Variants in SREBF2 observed in about 807,000 individuals in gnomAD.
SREBF2 encodes the protein sterol regulatory element binding transcription factor 2, also known as sterol regulatory element-binding protein 2.
Under a neutral mutation model 113.1 loss-of-function variants are expected in SREBF2, and 55 were observed. The observed-to-expected ratio is 0.49, with a 90% CI of 0.39 to 0.61. The LOEUF (loss-of-function observed/expected upper bound fraction) is 0.61, where lower values mean the gene tolerates loss of function less well. Among genes scored for constraint, SREBF2 ranks in the 20% least tolerant of loss-of-function variants. The pLI is 0.00. For missense variants in SREBF2, 1,349 were observed against 1,487.4 expected, an observed-to-expected ratio of 0.91 and a Z score of 1.53; for synonymous variants, 593 against 605.7, an observed-to-expected ratio of 0.98 and a Z score of 0.31.
intron 11 of SREBF2, among the ~76,000 whole-genome samples, chr22:41,888,256 C>T (rs2839715): frequency 0.14 from 21,942 of 152,224 alleles, 2,136 homozygotes; most frequent in Admixed American, 0.33. Context: ...CTGCTAGACG[C>T]TTTATTTTTT....
chr22:41,851,461 T>C (rs1236979740), intron 1 of SREBF2, among the ~76,000 whole-genome samples: 1 of 152,136 alleles, frequency 6.6e-6, no homozygotes, highest in South Asian at 2.1e-4. Flanking sequence ...CTGGGCAACA[T>C]AGTAAGGCCC....
intron 15 of SREBF2, chr22:41,899,928 A>G (rs1480500093): frequency 2.6e-5 from 30 of 1,137,586 alleles, no homozygotes; most frequent in Non-Finnish European, 2.8e-5. Context: ...GAAAGAAGCT[A>G]ACTAAGTATC....
rs1008678146 is a variant in SREBF2 at position 41,905,349 on chromosome 22, G to C, written c.3206-91G>C. On this transcript the variant is annotated intron_variant, in intron 18 of 18. Transcript: ENST00000361204. The stretch of plus-strand genomic sequence containing the variant: ...AGACCCCACCTCCCAGGATGGATGT[G>C]AGCGTTCAGTGAATGAGTCCAGGTA... 38 of 1,244,996 alleles carry C rather than the reference G, an allele frequency of 3.1e-5. No individual in the cohort carries two copies. The East Asian group carries it at 9.4e-4, about 31-fold the overall frequency. 77.1% of individuals were successfully genotyped at this position (1,244,996 alleles called of 1,614,324 possible).
Position 41,906,215 on chromosome 22 carries a change from G to C in SREBF2, c.*555G>C, listed in dbSNP as rs2077507771. On this transcript the variant is annotated 3_prime_UTR_variant, in exon 19 of 19. Coordinates refer to ENST00000361204, the MANE Select transcript of SREBF2 (RefSeq NM_004599.4). ...CCCTCCCCTGGGCCTGACTGAGCCT[G>C]CTCATTGTTTTTCCCTTTATTACAC... 5.8e-6 allele frequency: 2 copies of C among 342,612 alleles called. No individual in the cohort carries two copies. Among genetic ancestry groups the C allele is most frequent in the South Asian group, 4.5e-5 (2 of 44,228 alleles). The allele number at this position is 342,612 out of a possible 1,614,324, so 21.2% of individuals were successfully genotyped here. A position where few individuals can be genotyped will look rare whatever the true frequency, so the allele number is the denominator to read the frequency against.
intron 1 of SREBF2, among the ~76,000 whole-genome samples, chr22:41,844,844 A>G (rs2076862529): frequency 2.6e-5 from 4 of 152,030 alleles, no homozygotes; most frequent in African/African-American, 7.2e-5. Flanking sequence ...AAGTGCTAAC[A>G]TTCCTGTGAG....
rs767549835 is a variant in SREBF2, at chr22:41,833,329, G to A, written c.59G>A (p.Gly20Asp). 2.2e-6 allele frequency: 3 copies of A among 1,380,160 alleles called. No individual in the cohort carries two copies. The highest frequency in any genetic ancestry group is 1.2e-5 in the South Asian group (1 of 80,296). 85.5% of individuals were successfully genotyped at this position (1,380,160 alleles called of 1,614,324 possible). ...LETMETLTEL[G>D]DELTLGDIDE... is the part of the protein sequence containing the mutation. The stretch of plus-strand genomic sequence containing the variant: ...ACCATGGAGACCCTCACGGAGCTGG[G>A]CGACGAGCTGACCCTGGGAGACATC... Residue 20 changes from glycine (G) to aspartate (D), a missense_variant, in exon 1 of 19, where the codon GGC becomes GAC. Physicochemically the swap from Gly to Asp is moderately conservative, Grantham distance 94. Around this residue, in one of 2 missense-constraint regions of SREBF2, gnomAD observed 699 missense variants for 843.3 expected, o/e 0.83. Transcript: ENST00000361204. This position sits in a 1 kb window ranked among gnomAD's most constrained non-coding sequence, Gnocchi z 4.1.
At position 41,880,655 on chromosome 22, in the gene SREBF2, A is replaced by G. The variant is rs915266985; in HGVS notation, c.1762-61A>G. ...TTGGGGGCAGGGGGAGTAGAAGTCT[A>G]TATCAAAACAAAAAGCCGGAGCAAG... On this transcript the variant is annotated intron_variant, in intron 9 of 18. Transcript: ENST00000361204. 33 of 1,605,820 alleles carry G rather than the reference A, an allele frequency of 2.1e-5. No homozygotes were observed. In the African/African-American group the frequency reaches 3.5e-4, roughly 17 times the overall value.
At chr22:41,893,332 C>T (rs1390837727) in intron 12 of SREBF2, 47 bp downstream of exon 12, 2 of 1,602,860 alleles carry the variant, frequency 1.2e-6, no homozygotes, top group African/African-American at 2.7e-5. Context: ...GCCATGCAAA[C>T]CGCCGGTACT....
At chr22:41,864,752 G>T (rs2077060159) in intron 1 of SREBF2, among the ~76,000 whole-genome samples, 1 of 151,986 alleles carries the variant, frequency 6.6e-6, no homozygotes, top group African/African-American at 2.4e-5. Flanking sequence ...AGGAGTTTGA[G>T]ACCAGCCTGG....
Position 41,906,020 on chromosome 22 carries a change from C to G in SREBF2, c.*360C>G, listed in dbSNP as rs944326516. On this transcript the variant is annotated 3_prime_UTR_variant, in exon 19 of 19. Transcript: ENST00000361204. ...TTTTGCTTCCTCAGTTTTTATCAGG[C>G]TTTCTCTGGGGGACAGCAGTCTCTG... The G allele has an allele frequency of 2.0e-6, 1 of 494,124 alleles. No individual in the cohort carries two copies. Among genetic ancestry groups the G allele is most frequent in the African/African-American group, 1.9e-5 (1 of 51,650 alleles). The allele number at this position is 494,124 out of a possible 1,614,324, so 30.6% of individuals were successfully genotyped here.
chr22:41,905,467 G>T lies in SREBF2; in HGVS notation c.3233G>T (p.Arg1078Leu). The T allele has an allele frequency of 6.3e-7, 1 of 1,579,024 alleles. No homozygotes were observed. Among genetic ancestry groups the T allele is most frequent in the South Asian group, 1.2e-5 (1 of 86,342 alleles). The change falls in exon 19 of 19, where the codon CGA becomes CTA. Residue 1078 changes from arginine to leucine, a missense_variant. By Grantham distance (102) the Arg-to-Leu change is moderately radical. Around this residue, in one of 2 missense-constraint regions of SREBF2, gnomAD observed 650 missense variants for 644.1 expected, o/e 1.01. Transcript: ENST00000361204. ...HGEVDAWPGQ[R>L]ERATAILLAC... The stretch of plus-strand genomic sequence containing the variant: ...GAGGTGGATGCCTGGCCCGGCCAGC[G>T]AGAGCGGGCCACCGCCATCCTGCTG...
At chr22:41,850,055 G>C (rs564458744) in intron 1 of SREBF2, among the ~76,000 whole-genome samples, 1 of 151,312 alleles carries the variant, frequency 6.6e-6, no homozygotes, top group South Asian at 2.1e-4. Flanking sequence ...CGAGAGAATC[G>C]CTTTAACCTG....
intron 1 of SREBF2, among the ~76,000 whole-genome samples, chr22:41,863,698 T>C (rs1259725511): frequency 6.6e-6 from 1 of 152,150 alleles, no homozygotes; most frequent in Non-Finnish European, 1.5e-5. Flanking sequence ...TGTCAAGATG[T>C]TGGTAAATAA....
chr22:41,900,613 C>G, intron 16 of SREBF2, 115 bp downstream of exon 16: 1 of 1,078,892 alleles, frequency 9.3e-7, no homozygotes, highest in South Asian at 1.5e-5. Flanking sequence ...ACAGAGAAAC[C>G]AGGACAGCAG....
intron 1 of SREBF2, among the ~76,000 whole-genome samples, chr22:41,854,097 T>C (rs2148357884): frequency 6.6e-6 from 1 of 152,100 alleles, no homozygotes; most frequent in East Asian, 1.9e-4. Flanking sequence ...AAAGTTGCTA[T>C]TGAGAGCATT....
chr22:41,867,170 C>G lies in SREBF2; in HGVS notation c.428C>G (p.Thr143Ser), dbSNP rs2077089334. The G allele has an allele frequency of 6.2e-7, 1 of 1,614,234 alleles. No individual in the cohort carries two copies. Among genetic ancestry groups the G allele is most frequent in the Non-Finnish European group, 8.5e-7 (1 of 1,180,052 alleles). ...PRPQPQPQPQ[T>S]QLQQQTVMIT... is the part of the protein sequence containing the mutation. ...CCCCAGCCCCAGCCTCAACCTCAAA[C>G]TCAGCTGCAACAACAGACGGTAATG... The change falls in exon 2 of 19, where the codon ACT (threonine) becomes AGT (serine). Residue 143 changes from threonine (T) to serine (S), a missense_variant. Physicochemically the swap from Thr to Ser is moderately conservative, Grantham distance 58 (BLOSUM62 1). This residue lies in a region of SREBF2 where 699 missense variants were observed against 843.3 expected (regional missense o/e 0.83). Coordinates refer to ENST00000361204, the MANE Select transcript of SREBF2 (RefSeq NM_004599.4).
chr22:41,870,449 C>G (rs2077128986), intron 3 of SREBF2, among the ~76,000 whole-genome samples: 1 of 152,002 alleles, frequency 6.6e-6, no homozygotes, highest in Non-Finnish European at 1.5e-5. Context: ...CATGGTGAAA[C>G]CCTGTCTCTA....
chr22:41,894,878 A>G lies in SREBF2; in HGVS notation c.2436A>G (p.Ile812Met). The change falls in exon 13 of 19, where the codon ATA becomes ATG. Residue 812 changes from isoleucine to methionine, a missense_variant. Coordinates refer to ENST00000361204, the MANE Select transcript of SREBF2 (RefSeq NM_004599.4). ...AFCKNLLERA[I>M]ESLVKPQAKK... Reference sequence around the variant, plus strand: ...GCAAGAACCTGCTGGAGCGAGCTATAGAGTCCTTGGTGAAACCTCAGGCCA... The same window carrying G: ...GCAAGAACCTGCTGGAGCGAGCTATGGAGTCCTTGGTGAAACCTCAGGCCA... 1 of 1,614,150 alleles carries G rather than the reference A, an allele frequency of 6.2e-7. No homozygotes were observed. Among genetic ancestry groups the G allele is most frequent in the Non-Finnish European group, 8.5e-7 (1 of 1,180,024 alleles).
Position 41,897,032 on chromosome 22 carries a change from A to T in SREBF2, c.2496-20A>T, listed in dbSNP as rs1204742214. 6.4e-7 allele frequency: 1 copy of T among 1,563,364 alleles called. No homozygotes were observed. The highest frequency in any genetic ancestry group is 8.8e-7 in the Non-Finnish European group (1 of 1,137,120). ...GTGTATATGTTTTGATGTACATGGG[A>T]CCCTTTCTTTTCTTCCTAGTGAATT... On this transcript the variant is annotated intron_variant, in intron 13 of 18. Transcript: ENST00000361204.
Sources: allele counts gnomAD v4.1 joint callset (sites outside exome capture counted in the v4.1 genomes callset), GRCh38; gene constraint gnomAD v4.1.1; regional missense constraint gnomAD v4.1.1; non-coding constraint Gnocchi (gnomAD v3.1); transcripts MANE v1.5; gene names NCBI Gene and HGNC (gene_info 2026-07-23, HGNC 2026-07-21).